MEOX1: variants seen among roughly 807,000 people sequenced by gnomAD.
MEOX1 encodes the protein mesenchyme homeobox 1.
Under a neutral mutation model 23.2 loss-of-function variants are expected in MEOX1, and 17 were observed. The observed-to-expected ratio is 0.73, with a 90% CI of 0.50 to 1.10. The LOEUF is 1.10. Ranked by LOEUF, MEOX1 falls within the 50% of genes least tolerant of loss-of-function variation. The pLI is 0.00. For synonymous variants in MEOX1, 134 were observed against 135.1 expected, an observed-to-expected ratio of 0.99 and a Z score of 0.06; for missense variants, 333 against 332.2, an observed-to-expected ratio of 1.00 and a Z score of -0.02.
At chr17:43,659,648 G>A (rs917182455) in intron 1 of MEOX1, among the ~76,000 whole-genome samples, 3 of 152,154 alleles carry the variant, frequency 2.0e-5, no homozygotes, top group Non-Finnish European at 2.9e-5. Context: ...GAGATGAGCT[G>A]CTCACTCTAG....
chr17:43,654,614 A>T (rs1173357857), intron 1 of MEOX1, among the ~76,000 whole-genome samples: 1 of 152,218 alleles, frequency 6.6e-6, no homozygotes, highest in Admixed American at 6.5e-5. Context: ...TGAGGCCAAG[A>T]GTTCAAGACC....
At chr17:43,647,192 G>A (rs530213194) in intron 1 of MEOX1, among the ~76,000 whole-genome samples, 1 of 152,160 alleles carries the variant, frequency 6.6e-6, no homozygotes, top group South Asian at 2.1e-4. Flanking sequence ...TCTTAACATG[G>A]GTTTGTGTGA....
Position 43,661,425 on chromosome 17 carries a change from T to TGGG in MEOX1, c.107_109dup (p.Pro36dup). On this transcript the variant is annotated inframe_insertion, in exon 1 of 3. Transcript: ENST00000318579. Reference sequence around the variant, plus strand: ...GAAGGAGAACGGGGTGGGCGGGTAGTGGGGTAGCCCTGAGGCCCCATTGCC... The same window carrying TGGG: ...GAAGGAGAACGGGGTGGGCGGGTAGTGGGGGGGTAGCCCTGAGGCCCCATTGCC... 11 of 860,652 alleles carry TGGG rather than the reference T, an allele frequency of 1.3e-5. No individual in the cohort carries two copies. The highest frequency in any genetic ancestry group is 1.7e-5 in the African/African-American group (1 of 58,242). 53.3% of individuals were successfully genotyped at this position (860,652 alleles called of 1,614,324 possible).
chr17:43,659,742 G>C (rs574444308), intron 1 of MEOX1, among the ~76,000 whole-genome samples: 1 of 152,264 alleles, frequency 6.6e-6, no homozygotes, highest in African/African-American at 2.4e-5. Flanking sequence ...AATAAAACCT[G>C]CTGTCCCCAT....
At chr17:43,657,012 C>CTTTCTTTCTTTCTCTTTCTT in intron 1 of MEOX1, among the ~76,000 whole-genome samples, 1 of 105,146 alleles carries the variant, frequency 9.5e-6, no homozygotes, top group South Asian at 3.2e-4. Context: ...TTCTTTCTTT[C>CTTTCTTTCTTTCTCTTTCTT]TCTTTCTTTC....
intron 1 of MEOX1, among the ~76,000 whole-genome samples, chr17:43,651,123 C>T (rs1972908111): frequency 6.6e-6 from 1 of 152,092 alleles, no homozygotes; most frequent in Admixed American, 6.6e-5. Flanking sequence ...TCGAGACCAT[C>T]CTGGCTAATA....
intron 1 of MEOX1, among the ~76,000 whole-genome samples, chr17:43,644,735 G>A (rs1289517496): frequency 1.3e-5 from 2 of 152,002 alleles, no homozygotes; most frequent in South Asian, 2.1e-4. Flanking sequence ...CCAACATGGC[G>A]AAACCCCCGT....
chr17:43,653,243 G>A (rs905785682), intron 1 of MEOX1, among the ~76,000 whole-genome samples: 2 of 150,168 alleles, frequency 1.3e-5, no homozygotes, highest in Non-Finnish European at 3.0e-5. Flanking sequence ...TGGTTCAAGC[G>A]ATTTTCCTGC....
intron 1 of MEOX1, among the ~76,000 whole-genome samples, chr17:43,651,840 G>A (rs1400908073): frequency 6.6e-6 from 1 of 152,232 alleles, no homozygotes; most frequent in Non-Finnish European, 1.5e-5. Flanking sequence ...CAGAGCTGAG[G>A]TGACCCCTGG....
Position 43,643,636 on chromosome 17 carries a change from G to A in MEOX1, c.494C>T (p.Pro165Leu), listed in dbSNP as rs368638447. ...CTTGCGGGCTTTGCTGCTGCCCTCC[G>A]GCTTCCCTCTGTTCTCCTGGTTGTC... ...SSDNQENRGK[P>L]EGSSKARKER... The change falls in exon 2 of 3, where the codon CCG (proline) becomes CTG (leucine). Residue 165 changes from proline (P) to leucine (L), a missense_variant. Physicochemically the swap from Pro to Leu is moderately conservative, Grantham distance 98 (BLOSUM62 -3). Transcript: ENST00000318579. The A allele has an allele frequency of 1.8e-5, 29 of 1,613,114 alleles. No individual in the cohort carries two copies. The highest frequency in any genetic ancestry group is 1.5e-4 in the Admixed American group (9 of 59,910).
chr17:43,655,715 T>C (rs1369617548), intron 1 of MEOX1, among the ~76,000 whole-genome samples: 1 of 147,962 alleles, frequency 6.8e-6, no homozygotes, highest in Non-Finnish European at 1.5e-5. Flanking sequence ...TGCTACAACC[T>C]GGTTGAAACT....
chr17:43,658,133 G>T (rs1206346801), intron 1 of MEOX1, among the ~76,000 whole-genome samples: 1 of 152,240 alleles, frequency 6.6e-6, no homozygotes, highest in East Asian at 1.9e-4. Flanking sequence ...TCTGATCAAT[G>T]CTGGTTAACC....
intron 1 of MEOX1, among the ~76,000 whole-genome samples, 156 bp from the exon 2 acceptor site, chr17:43,643,816 G>A (rs900124141): frequency 7.2e-5 from 11 of 152,072 alleles, no homozygotes; most frequent in Non-Finnish European, 1.2e-4. Flanking sequence ...TCCTTCTGGT[G>A]TCTTACCCAT....
chr17:43,646,042 G>T (rs1972804856), intron 1 of MEOX1, among the ~76,000 whole-genome samples: 1 of 152,198 alleles, frequency 6.6e-6, no homozygotes, highest in South Asian at 2.1e-4. Flanking sequence ...TAGTCCCGGT[G>T]CCCGGGTCAG....
At chr17:43,645,667 C>T (rs1972794949) in intron 1 of MEOX1, among the ~76,000 whole-genome samples, 1 of 152,162 alleles carries the variant, frequency 6.6e-6, no homozygotes, top group African/African-American at 2.4e-5. Flanking sequence ...GGAATTCAGA[C>T]CCCCTAGTGT....
At chr17:43,649,210 G>A (rs560405152) in intron 1 of MEOX1, among the ~76,000 whole-genome samples, 160 of 149,616 alleles carry the variant, frequency 1.1e-3, no homozygotes, top group South Asian at 2.2e-3. Flanking sequence ...CACGGGCAGA[G>A]TTAGAGCACT....
rs1331983832 is a variant in MEOX1 at position 43,640,487 on chromosome 17, A to G, written c.*1423T>C. Reference sequence around the variant, plus strand: ...GTAATCTTAAGAAAATATATGAAGTATGCTTTAGAAAAAATCATGCTCTAA... The same window carrying G: ...GTAATCTTAAGAAAATATATGAAGTGTGCTTTAGAAAAAATCATGCTCTAA... On this transcript the variant is annotated 3_prime_UTR_variant, in exon 3 of 3. Transcript: ENST00000318579. 1 of 152,260 alleles carries G rather than the reference A, an allele frequency of 6.6e-6. No homozygotes were observed. The highest frequency in any genetic ancestry group is 1.5e-5 in the Non-Finnish European group (1 of 68,048). 9.4% of individuals were successfully genotyped at this position (152,260 alleles called of 1,614,324 possible). A position where few individuals can be genotyped will look rare whatever the true frequency, so the allele number is the denominator to read the frequency against.
intron 1 of MEOX1, among the ~76,000 whole-genome samples, chr17:43,657,012 C>CTCTCTTTCTT (rs1555567819): frequency 2.9e-5 from 3 of 105,086 alleles, no homozygotes; most frequent in African/African-American, 7.9e-5. Flanking sequence ...TTCTTTCTTT[C>CTCTCTTTCTT]TCTTTCTTTC....
intron 1 of MEOX1, among the ~76,000 whole-genome samples, chr17:43,652,614 G>T (rs1481895307): frequency 6.6e-6 from 1 of 152,084 alleles, no homozygotes; most frequent in Non-Finnish European, 1.5e-5. Context: ...ACACAGCCAG[G>T]AAGTTGTGGA....
Sources: gnomAD v4.1 joint callset for allele counts (sites outside exome capture counted in the v4.1 genomes callset) on GRCh38, gnomAD v4.1.1 for gene constraint, MANE v1.5 for transcripts, NCBI Gene and HGNC (gene_info 2026-07-23, HGNC 2026-07-21) for gene names.